Variants in ADGRV1 observed in about 807,000 individuals in gnomAD.
ADGRV1 encodes G-protein coupled receptor 98.
In ADGRV1, 359 loss-of-function variants were observed where a neutral mutation model predicts 596.2. That is an observed-to-expected ratio of 0.60 (90% CI 0.55 to 0.66). The LOEUF is 0.66. ADGRV1 is among the 30% of genes least tolerant of loss of function. ADGRV1 has a pLI of 0.00. For synonymous variants in ADGRV1, 2,681 were observed against 2,679.2 expected (o/e 1.00, Z -0.02); for missense variants, 7,274 against 7,575.6 (o/e 0.96, Z 1.48).
chr5:90,796,178 C>T (rs1401374416), intron 70 of ADGRV1, among the ~76,000 whole-genome samples: 1 of 152,080 alleles, frequency 6.6e-6, no homozygotes, highest in Non-Finnish European at 1.5e-5. Context: ...ATAAACTCCT[C>T]CGAGCTAAGG....
At chr5:91,054,100 T>TGAGAGAGAGA (rs1235694348) in intron 85 of ADGRV1, among the ~76,000 whole-genome samples, 28 of 108,274 alleles carry the variant, frequency 2.6e-4, no homozygotes, top group African/African-American at 8.2e-4. Context: ...TGTGTGTGTG[T>TGAGAGAGAGA]GTGAGAGAGA....
intron 34 of ADGRV1, among the ~76,000 whole-genome samples, chr5:90,700,174 A>G (rs1747726521): frequency 6.6e-6 from 1 of 152,226 alleles, no homozygotes; most frequent in Non-Finnish European, 1.5e-5. Flanking sequence ...ATGAAAGTGA[A>G]TTAATGAAAA....
intron 70 of ADGRV1, chr5:90,792,408 A>G (rs1041690426): frequency 6.6e-6 from 1 of 152,168 alleles, no homozygotes; most frequent in Admixed American, 6.5e-5. Flanking sequence ...CTACCTTTTG[A>G]TGTGTTGTGT....
intron 80 of ADGRV1, among the ~76,000 whole-genome samples, chr5:90,853,833 T>G (rs923006342): frequency 6.6e-6 from 1 of 151,954 alleles, no homozygotes; most frequent in African/African-American, 2.4e-5. Flanking sequence ...CCAGTTAGAG[T>G]CAAAGTGAGT....
At chr5:90,791,625 A>G in intron 70 of ADGRV1, 1 of 376,476 alleles carries the variant, frequency 2.7e-6, no homozygotes, top group South Asian at 3.9e-5. Flanking sequence ...GTGTGCATAT[A>G]CACCTGCACA....
chr5:90,864,018 G>A (rs991581885), intron 83 of ADGRV1, among the ~76,000 whole-genome samples, 161 bp downstream of exon 83: 3 of 151,938 alleles, frequency 2.0e-5, no homozygotes, highest in Non-Finnish European at 4.4e-5. Context: ...AGTCATATAA[G>A]GAGAATCAGG....
In ADGRV1 at chr5:90,647,576, G is replaced by C; in HGVS notation, c.3101G>C (p.Cys1034Ser). Residue 1034 changes from cysteine to serine, a missense_variant, in exon 17 of 90, where the codon TGC becomes TCC. Around this residue, in one of 5 missense-constraint regions of ADGRV1, gnomAD observed 1,715 missense variants for 1,708.8 expected, o/e 1.00. Coordinates refer to ENST00000405460, the MANE Select transcript of ADGRV1 (RefSeq NM_032119.4). ...VLRNGSVDVT[C>S]MVQYATKDGK... ...AGAAATGGATCTGTTGATGTGACTT[G>C]CATGGTCCAGTATGCTACCAAGGAT... is the stretch of plus-strand genomic sequence containing the variant. 6.2e-7 allele frequency: 1 copy of C among 1,613,912 alleles called. No individual in the cohort carries two copies. Among genetic ancestry groups the C allele is most frequent in the Non-Finnish European group, 8.5e-7 (1 of 1,179,808 alleles).
chr5:90,650,109 T>G (rs1768377209), intron 17 of ADGRV1, among the ~76,000 whole-genome samples: 1 of 152,226 alleles, frequency 6.6e-6, no homozygotes, highest in Non-Finnish European at 1.5e-5. Flanking sequence ...CATCAAGGAC[T>G]TGTGGGACCC....
chr5:91,072,701 C>A, intron 86 of ADGRV1, 97 bp downstream of exon 86: 2 of 1,282,568 alleles, frequency 1.6e-6, no homozygotes, highest in Non-Finnish European at 2.2e-6. Context: ...GGAAGTTCGG[C>A]TCATCTTTCA....
intron 63 of ADGRV1, 91 bp from the exon 64 acceptor site, chr5:90,778,774 C>A: frequency 8.6e-7 from 1 of 1,167,092 alleles, no homozygotes; most frequent in Non-Finnish European, 1.2e-6. Flanking sequence ...GTAATTTTAA[C>A]ACAATCCTGG....
Position 90,725,193 on chromosome 5 carries a change from C to A in ADGRV1, c.10014C>A (p.Asn3338Lys). Reference protein sequence around the residue: ...EERNEEKPSLNSVFTFTSGFK... With the variant: ...EERNEEKPSLKSVFTFTSGFK... ...GAAATGAAGAAAAGCCTTCTCTTAACAGTGTGTTTACATTCACATCTGGAT... is the reference window on the plus strand; with the variant it reads ...GAAATGAAGAAAAGCCTTCTCTTAAAAGTGTGTTTACATTCACATCTGGAT... The change falls in exon 47 of 90, where the codon AAC (asparagine) becomes AAA (lysine). Residue 3338 changes from asparagine to lysine, a missense_variant. By Grantham distance (94) the Asn-to-Lys change is moderately conservative. This residue lies in a region of ADGRV1 where 3,643 missense variants were observed against 3,809.2 expected (regional missense o/e 0.96). Transcript: ENST00000405460. 1 of 1,535,122 alleles carries A rather than the reference C, an allele frequency of 6.5e-7. No homozygotes were observed. The highest frequency in any genetic ancestry group is 8.8e-7 in the Non-Finnish European group (1 of 1,134,348).
chr5:91,146,359 T>C (rs915699889), intron 87 of ADGRV1, among the ~76,000 whole-genome samples: 5 of 152,218 alleles, frequency 3.3e-5, no homozygotes, highest in Non-Finnish European at 7.3e-5. Context: ...GTGTAGGCGA[T>C]GTCAGGAACA....
chr5:91,007,403 A>G (rs974565358), intron 85 of ADGRV1, among the ~76,000 whole-genome samples: 5 of 146,974 alleles, frequency 3.4e-5, no homozygotes, highest in South Asian at 2.2e-4. Flanking sequence ...TGATCTCCCT[A>G]CCTACTTCCT....
chr5:90,682,839 C>G (rs542458172), intron 27 of ADGRV1, among the ~76,000 whole-genome samples: 2 of 152,250 alleles, frequency 1.3e-5, no homozygotes, highest in South Asian at 4.1e-4. Context: ...TCATTCTTAA[C>G]ATATTATTGA....
chr5:91,064,676 C>T (rs1053689996), intron 85 of ADGRV1, among the ~76,000 whole-genome samples: 1 of 152,138 alleles, frequency 6.6e-6, no homozygotes, highest in African/African-American at 2.4e-5. Flanking sequence ...GTAGTTGATT[C>T]CCCTGGATAT....
intron 83 of ADGRV1, among the ~76,000 whole-genome samples, chr5:90,889,226 T>A (rs1384586197): frequency 6.6e-6 from 1 of 152,188 alleles, no homozygotes. Flanking sequence ...CAGTGCTCAG[T>A]TTAGCCCCTT....
chr5:91,043,765 T>C (rs1785561994), intron 85 of ADGRV1, among the ~76,000 whole-genome samples: 1 of 151,952 alleles, frequency 6.6e-6, no homozygotes, highest in Admixed American at 6.6e-5. Context: ...GCATTTGCTG[T>C]CTCTTCTATC....
chr5:90,832,874 G>A (rs1037308416), intron 77 of ADGRV1, among the ~76,000 whole-genome samples: 2 of 152,198 alleles, frequency 1.3e-5, no homozygotes, highest in African/African-American at 2.4e-5. Context: ...TCCAATGTAC[G>A]TTCTTGTCAC....
At chr5:90,617,698 A>G in intron 2 of ADGRV1, 106 bp from the exon 3 acceptor site, 1 of 928,526 alleles carries the variant, frequency 1.1e-6, no homozygotes, top group Non-Finnish European at 1.6e-6. Context: ...ATAAACATAA[A>G]TGTCACTTGA....
Sources: gnomAD v4.1 joint callset for allele counts (sites outside exome capture counted in the v4.1 genomes callset) on GRCh38, gnomAD v4.1.1 for gene constraint, gnomAD v4.1.1 regional missense constraint, MANE v1.5 for transcripts, NCBI Gene and HGNC (gene_info 2026-07-23, HGNC 2026-07-21) for gene names.